The following SLC5A2 variants were observed in gnomAD, a reference collection of about 807,000 sequenced individuals.
SLC5A2 encodes the protein sodium/glucose cotransporter 2.
A neutral mutation model predicts 69.0 loss-of-function variants in SLC5A2; 67 were observed. The observed-to-expected ratio is 0.97, with a 90% confidence interval of 0.80 to 1.19. The LOEUF is 1.19. SLC5A2 is among the 50% of genes most tolerant of loss of function. The probability of loss-of-function intolerance (pLI) is 0.00; values close to 1 mark genes in which losing one functional copy is unlikely to be tolerated. For synonymous variants in SLC5A2, 455 were observed against 395.8 expected, an observed-to-expected ratio of 1.15 and a Z score of -1.78; for missense variants, 1,001 against 921.5, an observed-to-expected ratio of 1.09 and a Z score of -1.12.
At chr16:31,483,912 AAG>A (rs1241535270) in intron 1 of SLC5A2, among the ~76,000 whole-genome samples, 4 of 151,678 alleles carry the variant, frequency 2.6e-5, no homozygotes, top group Non-Finnish European at 5.9e-5. Flanking sequence ...AAAAAGAAAA[AAG>A]AAAAAAAAAG....
At chr16:31,488,213 G>A (rs750723203) in intron 8 of SLC5A2, 40 bp downstream of exon 8, 34 of 1,613,748 alleles carry the variant, frequency 2.1e-5, no homozygotes, top group South Asian at 1.2e-4. Context: ...GCCAGCAACC[G>A]GGCGCCCGTC....
Position 31,490,657 on chromosome 16 carries a change from C to T in SLC5A2, c.*122C>T, listed in dbSNP as rs976338121. On this transcript the variant is annotated 3_prime_UTR_variant, in exon 14 of 14. Transcript: ENST00000330498. The stretch of plus-strand genomic sequence containing the variant: ...GAGAAGGTCCTGGCTCCCCTTCTCC[C>T]GGCCTTCCTCTGCCTGGGGCCCACT... 2.3e-5 allele frequency: 25 copies of T among 1,103,678 alleles called. No homozygotes were observed. The highest frequency in any genetic ancestry group is 5.1e-5 in the East Asian group (2 of 39,536). 68.4% of individuals were successfully genotyped at this position (1,103,678 alleles called of 1,614,324 possible). A position where few individuals can be genotyped will look rare whatever the true frequency, so the allele number is the denominator to read the frequency against.
intron 5 of SLC5A2, among the ~76,000 whole-genome samples, chr16:31,486,938 C>A (rs1421267233): frequency 6.6e-6 from 1 of 152,092 alleles, no homozygotes; most frequent in Non-Finnish European, 1.5e-5. Flanking sequence ...CCCAGCTACT[C>A]GGGAGGCTGA....
At chr16:31,483,498 C>T (rs144480778) in intron 1 of SLC5A2, among the ~76,000 whole-genome samples, 1 of 152,254 alleles carries the variant, frequency 6.6e-6, no homozygotes, top group Non-Finnish European at 1.5e-5. Flanking sequence ...TCAGGGTCGA[C>T]ATTCTAAATG....
intron 8 of SLC5A2, 52 bp from the exon 9 acceptor site, chr16:31,488,331 G>C (rs949786206): frequency 1.2e-6 from 2 of 1,604,710 alleles, no homozygotes; most frequent in African/African-American, 1.3e-5. Context: ...CCACCTCCTG[G>C]GATTCCCAGA....
Position 31,490,758 on chromosome 16 carries a change from C to T in SLC5A2, c.*223C>T, listed in dbSNP as rs1301807576. The stretch of plus-strand genomic sequence containing the variant: ...TTGCCCTAAGGAAAAATAAAGCTGC[C>T]TTTCCCCTGTCCTGCTGTGGCCAAA... On this transcript the variant is annotated 3_prime_UTR_variant, in exon 14 of 14. Coordinates refer to ENST00000330498, the MANE Select transcript of SLC5A2 (RefSeq NM_003041.4). 31 of 1,521,502 alleles carry T rather than the reference C, an allele frequency of 2.0e-5. No individual in the cohort carries two copies. Among genetic ancestry groups the T allele is most frequent in the African/African-American group, 2.8e-5 (2 of 72,694 alleles). 94.3% of individuals were successfully genotyped at this position (1,521,502 alleles called of 1,614,324 possible).
rs761264242 is a variant in SLC5A2, at chr16:31,489,037, G to C, written c.1438G>C (p.Val480Leu). 7.5e-6 allele frequency: 12 copies of C among 1,600,968 alleles called. No individual in the cohort carries two copies. In the East Asian group the frequency reaches 2.7e-4, roughly 36 times the overall value. Residue 480 changes from valine to leucine, a missense_variant, in exon 11 of 14, where the codon GTT (valine) becomes CTT (leucine). By Grantham distance (32) the Val-to-Leu change is conservative. Coordinates refer to ENST00000330498, the MANE Select transcript of SLC5A2 (RefSeq NM_003041.4). ...CGTGCTGGCGCTCTTCGTGCCGCGC[G>C]TTAATGAGCAGGTGAGCGGCACGCG... is the stretch of plus-strand genomic sequence containing the variant. The part of the protein sequence containing the change: ...VFVLALFVPR[V>L]NEQGAFWGLI...
In SLC5A2 at chr16:31,489,331, G is replaced by A. The variant is rs1398471535; in HGVS notation, c.1658G>A (p.Arg553Lys). The stretch of plus-strand genomic sequence containing the variant: ...TCCCTGTGCACCGCGCCCATCCCCA[G>A]AAAGCACGTGAGTGGCCAGGTGCCC... Reference protein sequence around the residue: ...TVSLCTAPIPRKHLHRLVFSL... With the variant: ...TVSLCTAPIPKKHLHRLVFSL... Residue 553 changes from arginine (R) to lysine (K), a missense_variant, in exon 12 of 14, where the codon AGA becomes AAA. Arg to Lys is a conservative substitution (Grantham distance 26). Coordinates refer to ENST00000330498, the MANE Select transcript of SLC5A2 (RefSeq NM_003041.4). The A allele has an allele frequency of 1.9e-6, 3 of 1,607,848 alleles. No homozygotes were observed. Among genetic ancestry groups the A allele is most frequent in the African/African-American group, 1.3e-5 (1 of 75,068 alleles).
chr16:31,489,286 G>T lies in SLC5A2; in HGVS notation c.1613G>T (p.Gly538Val), dbSNP rs766084662. 2 of 1,610,756 alleles carry T rather than the reference G, an allele frequency of 1.2e-6. No individual in the cohort carries two copies. Among genetic ancestry groups the T allele is most frequent in the East Asian group, 2.2e-5 (1 of 44,874 alleles). Residue 538 changes from glycine (G) to valine (V), a missense_variant, in exon 12 of 14, where the codon GGC becomes GTC. Coordinates refer to ENST00000330498, the MANE Select transcript of SLC5A2 (RefSeq NM_003041.4). ...GCCATTGTGCTGTTCTTCTGCTCTG[G>T]CCTCCTCACCCTCACGGTCTCCCTG... ...YFAIVLFFCS[G>V]LLTLTVSLCT...
chr16:31,484,577 C>A, intron 1 of SLC5A2, 96 bp from the exon 2 acceptor site: 1 of 1,378,712 alleles, frequency 7.3e-7, no homozygotes, highest in Non-Finnish European at 1.0e-6. Flanking sequence ...GCTCGTTAAT[C>A]TTCAGCCAGA....
At position 31,484,697 on chromosome 16, in the gene SLC5A2, A is replaced by C. The variant is rs2082481200; in HGVS notation, c.151A>C (p.Thr51Pro). The change falls in exon 2 of 14, where the codon ACT (threonine) becomes CCT (proline). Residue 51 changes from threonine to proline, a missense_variant. Coordinates refer to ENST00000330498, the MANE Select transcript of SLC5A2 (RefSeq NM_003041.4). ...LWSMCRTNRG[T>P]VGGYFLAGRS... ...GTCCATGTGCAGAACCAACAGAGGC[A>C]CTGTGGGCGGCTACTTCCTGGCAGG... 1 of 1,609,020 alleles carries C rather than the reference A, an allele frequency of 6.2e-7. No homozygotes were observed. The highest frequency in any genetic ancestry group is 8.5e-7 in the Non-Finnish European group (1 of 1,180,014).
At chr16:31,487,240 T>C (rs1484119482) in intron 5 of SLC5A2, 80 bp from the exon 6 acceptor site, 1 of 1,351,336 alleles carries the variant, frequency 7.4e-7, no homozygotes, top group Non-Finnish European at 1.1e-6. Context: ...CTCTTTCAAA[T>C]TCCCACAAAG....
rs1219793660 is a variant in SLC5A2 at position 31,487,396 on chromosome 16, T to A, written c.651T>A (p.Gly217=). 2.5e-6 allele frequency: 4 copies of A among 1,613,434 alleles called. No individual in the cohort carries two copies. Among genetic ancestry groups the A allele is most frequent in the Non-Finnish European group, 3.4e-6 (4 of 1,179,880 alleles). Residue 217 remains glycine, a synonymous_variant, in exon 6 of 14, where the codon GGT becomes GGA. Transcript: ENST00000330498. ...VILGGACILM[G]YAFHEVGGYS... ...TGGGGGGCGCCTGCATCCTCATGGGTTACGGTAGGGGCTCGCCTACCAGGG... is the reference window on the plus strand; with the variant it reads ...TGGGGGGCGCCTGCATCCTCATGGGATACGGTAGGGGCTCGCCTACCAGGG...
rs763860436 is a variant in SLC5A2, at chr16:31,485,737, C to T, written c.312C>T (p.Phe104=). 5.0e-6 allele frequency: 8 copies of T among 1,613,348 alleles called. No individual in the cohort carries two copies. In the African/African-American group the frequency reaches 5.3e-5, roughly 11 times the overall value. Residue 104 remains phenylalanine (F), a synonymous_variant, in exon 4 of 14, where the codon TTC becomes TTT. Transcript: ENST00000330498. ...AGTACTGCCCCCCGTAGGCGCTCTT[C>T]GTGGTGCTGCTACTGGGCTGGCTGT... ...AVAGFEWNAL[F]VVLLLGWLFA...
Position 31,488,405 on chromosome 16 carries a change from T to G in SLC5A2, c.1044T>G (p.Pro348=). Residue 348 remains proline, a synonymous_variant, in exon 9 of 14, where the codon CCT becomes CCG. Transcript: ENST00000330498. ...CAGACGAGGTGGCGTGCGTGGTGCC[T>G]GAGGTGTGCAGGCGCGTGTGCGGCA... The part of the protein sequence containing the change: ...LYPDEVACVV[P]EVCRRVCGTE... The G allele has an allele frequency of 6.2e-7, 1 of 1,611,734 alleles. No homozygotes were observed. The highest frequency in any genetic ancestry group is 8.5e-7 in the Non-Finnish European group (1 of 1,179,728).
chr16:31,487,625 A>G lies in SLC5A2; in HGVS notation c.751A>G (p.Ile251Val). 3 of 1,613,982 alleles carry G rather than the reference A, an allele frequency of 1.9e-6. No individual in the cohort carries two copies. Among genetic ancestry groups the G allele is most frequent in the Non-Finnish European group, 8.5e-7 (1 of 1,179,994 alleles). Reference protein sequence around the residue: ...TVSEDPAVGNISSFCYRPRPD... With the variant: ...TVSEDPAVGNVSSFCYRPRPD... ...GTCCGAGGATCCAGCCGTGGGAAAC[A>G]TCTCCAGCTTCTGCTATCGACCCCG... The change falls in exon 7 of 14, where the codon ATC becomes GTC. Residue 251 changes from isoleucine to valine, a missense_variant. By Grantham distance (29) the Ile-to-Val change is conservative. Coordinates refer to ENST00000330498, the MANE Select transcript of SLC5A2 (RefSeq NM_003041.4).
rs1596618945 is a variant in SLC5A2, at chr16:31,487,395, GT to G, written c.652del (p.Tyr218ThrfsTer23). 1 of 1,613,828 alleles carries G rather than the reference GT, an allele frequency of 6.2e-7. No individual in the cohort carries two copies. Among genetic ancestry groups the G allele is most frequent in the Non-Finnish European group, 8.5e-7 (1 of 1,180,016 alleles). ...VILGGACILM[G>X]YAFHEVGGYS... ...CTGGGGGGCGCCTGCATCCTCATGG[GT>G]TACGGTAGGGGCTCGCCTACCAGGG... On this transcript the variant is annotated frameshift_variant, in exon 6 of 14. Transcript: ENST00000330498. LOFTEE classifies it high-confidence loss of function.
At chr16:31,486,093 G>C in intron 4 of SLC5A2, 77 bp from the exon 5 acceptor site, 1 of 1,270,500 alleles carries the variant, frequency 7.9e-7, no homozygotes, top group Non-Finnish European at 1.2e-6. Context: ...TTTGAGGCTA[G>C]TAGGGCATGG....
In SLC5A2 at chr16:31,488,907, G is replaced by A. The variant is rs768051226; in HGVS notation, c.1308G>A (p.Val436=). 1.1e-5 allele frequency: 17 copies of A among 1,605,454 alleles called. No homozygotes were observed. In the South Asian group the frequency reaches 1.8e-4, roughly 17 times the overall value. ...TCTGGGTGGTGTTCATCGTGGTAGT[G>A]TCGGTGGCCTGGCTTCCCGTGGTGC... ...GRLWVVFIVV[V]SVAWLPVVQA... Residue 436 remains valine, a synonymous_variant, in exon 11 of 14, where the codon GTG becomes GTA. Transcript: ENST00000330498.
Sources: gnomAD v4.1 joint callset for allele counts (sites outside exome capture counted in the v4.1 genomes callset) on GRCh38, gnomAD v4.1.1 for gene constraint, MANE v1.5 for transcripts, NCBI Gene and HGNC (gene_info 2026-07-23, HGNC 2026-07-21) for gene names.